The following SORCS1 variants were observed in gnomAD, a reference collection of about 807,000 sequenced individuals.
SORCS1 encodes VPS10 domain-containing receptor SorCS1.
Under a neutral mutation model 146.1 loss-of-function variants are expected in SORCS1, and 60 were observed. The observed-to-expected ratio is 0.41, with a 90% CI of 0.33 to 0.51. The LOEUF (loss-of-function observed/expected upper bound fraction) is 0.51, where lower values mean the gene tolerates loss of function less well. Ranked by LOEUF, SORCS1 falls within the 20% of genes least tolerant of loss-of-function variation. The pLI is 0.21. For missense variants in SORCS1, 1,352 were observed against 1,487.6 expected (o/e 0.91, Z 1.50); for synonymous variants, 637 against 584.0 (o/e 1.09, Z -1.31).
chr10:106,882,983 A>G (rs1347555768), intron 2 of SORCS1, among the ~76,000 whole-genome samples: 1 of 152,180 alleles, frequency 6.6e-6, no homozygotes, highest in Non-Finnish European at 1.5e-5. Flanking sequence ...CCACATACAC[A>G]TTATATAACA....
At chr10:106,930,541 A>G (rs1953363539) in intron 2 of SORCS1, among the ~76,000 whole-genome samples, 3 of 152,232 alleles carry the variant, frequency 2.0e-5, no homozygotes, top group South Asian at 2.1e-4. Context: ...GTATTTATGT[A>G]TCTGAGCATC....
chr10:106,621,562 A>G (rs570028228), intron 19 of SORCS1, among the ~76,000 whole-genome samples: 1 of 151,886 alleles, frequency 6.6e-6, no homozygotes, highest in Non-Finnish European at 1.5e-5. Context: ...ATGCATGTGA[A>G]GGGCTCTAAC....
At chr10:106,950,160 C>T (rs78829586) in intron 2 of SORCS1, among the ~76,000 whole-genome samples, 2,026 of 152,314 alleles carry the variant, frequency 0.013, 21 homozygotes, top group Non-Finnish European at 0.019. Flanking sequence ...CTCATTTTGA[C>T]TCCCTGAGTG....
At chr10:106,650,582 C>T (rs963973921) in intron 18 of SORCS1, among the ~76,000 whole-genome samples, 4 of 152,188 alleles carry the variant, frequency 2.6e-5, no homozygotes, top group African/African-American at 9.6e-5. Flanking sequence ...ATGACCTCAT[C>T]AGTCCTAGCT....
At chr10:107,137,426 T>G (rs2134685451) in intron 1 of SORCS1, among the ~76,000 whole-genome samples, 1 of 152,304 alleles carries the variant, frequency 6.6e-6, no homozygotes, top group East Asian at 1.9e-4. Flanking sequence ...CTCCCTGAAT[T>G]TATTTTTACT....
chr10:107,091,039 G>A (rs1002478773), intron 1 of SORCS1, among the ~76,000 whole-genome samples: 1 of 152,218 alleles, frequency 6.6e-6, no homozygotes, highest in African/African-American at 2.4e-5. Flanking sequence ...TCTCCATGAG[G>A]TGTCTAGAGG....
intron 1 of SORCS1, among the ~76,000 whole-genome samples, chr10:107,036,939 C>T (rs189406432): frequency 2.0e-4 from 30 of 152,268 alleles, no homozygotes; most frequent in Admixed American, 1.8e-3. Context: ...TCTATGTGAT[C>T]ATTTATGTTT....
In SORCS1 at chr10:106,592,886, C is replaced by T. The variant is rs961539692; in HGVS notation, c.3265+4465G>A. 2.0e-5 allele frequency among the ~76,000 whole-genome samples: 3 copies of T among 151,796 alleles called. No homozygotes were observed. In the East Asian group the frequency reaches 5.8e-4, roughly 29 times the overall value. On this transcript the variant is annotated intron_variant, in intron 24 of 25. Transcript: ENST00000263054. ...ATTGTGGTGGCTCATGCCTGTAATC[C>T]CAGCACTTTGGGAGGCTGAGGCAGA... is the stretch of plus-strand genomic sequence containing the variant.
intron 1 of SORCS1, among the ~76,000 whole-genome samples, chr10:107,149,216 T>C (rs967392462): frequency 2.6e-5 from 4 of 152,198 alleles, no homozygotes; most frequent in Non-Finnish European, 5.9e-5. Flanking sequence ...ATTTAGAAGG[T>C]AGACAAGAAG....
intron 21 of SORCS1, among the ~76,000 whole-genome samples, chr10:106,613,189 C>T (rs1184716189): frequency 3.9e-5 from 6 of 152,054 alleles, no homozygotes; most frequent in African/African-American, 1.2e-4. Context: ...CAGGGATTTT[C>T]TTCATTGTCT....
At chr10:106,577,798 G>A (rs1056347287) in intron 25 of SORCS1, 15 of 557,370 alleles carry the variant, frequency 2.7e-5, no homozygotes, top group Non-Finnish European at 4.0e-5. Context: ...CTTGAAGGCA[G>A]AAAAGACTTT....
intron 3 of SORCS1, among the ~76,000 whole-genome samples, chr10:106,779,286 T>C (rs1449111406): frequency 2.0e-5 from 3 of 152,194 alleles, no homozygotes; most frequent in Non-Finnish European, 4.4e-5. Context: ...GGCTGCTCTC[T>C]TAAATTTCTG....
chr10:106,750,787 C>A (rs1858131576), intron 5 of SORCS1, among the ~76,000 whole-genome samples: 1 of 134,074 alleles, frequency 7.5e-6, no homozygotes. Context: ...AGGCCGGGCG[C>A]TGTGGCTCAT....
intron 1 of SORCS1, among the ~76,000 whole-genome samples, chr10:106,967,970 C>G (rs1955580352): frequency 6.6e-6 from 1 of 150,876 alleles, no homozygotes; most frequent in East Asian, 1.9e-4. Context: ...TTTGGGAGGC[C>G]GAGGCAGGCG....
intron 18 of SORCS1, among the ~76,000 whole-genome samples, chr10:106,639,914 A>G (rs984198482): frequency 3.9e-5 from 6 of 151,998 alleles, no homozygotes; most frequent in Admixed American, 3.9e-4. Flanking sequence ...GCTACTCGGG[A>G]GGCTGAGGGA....
intron 17 of SORCS1, among the ~76,000 whole-genome samples, chr10:106,659,297 C>T (rs925427355): frequency 1.3e-5 from 2 of 152,134 alleles, no homozygotes; most frequent in East Asian, 1.9e-4. Context: ...TGGAAGCAGA[C>T]GTCATTTAAT....
At chr10:107,176,858 T>G in the SORCS1 span, among the ~76,000 whole-genome samples, 3 of 152,096 alleles carry the variant, frequency 2.0e-5, no homozygotes, top group Non-Finnish European at 4.4e-5. Context: ...ATATATATAG[T>G]GTTCATTAGG....
chr10:107,151,791 T>C (rs2134826761), intron 1 of SORCS1, among the ~76,000 whole-genome samples: 1 of 152,284 alleles, frequency 6.6e-6, no homozygotes, highest in South Asian at 2.1e-4. Flanking sequence ...ATTTAGGGTA[T>C]CTGGTGGAAG....
intron 1 of SORCS1, among the ~76,000 whole-genome samples, chr10:107,140,144 C>G (rs966516306): frequency 6.6e-6 from 1 of 152,174 alleles, no homozygotes; most frequent in African/African-American, 2.4e-5. Flanking sequence ...CTGTTATCTA[C>G]CATTCAAAAA....
Sources: allele counts gnomAD v4.1 joint callset (sites outside exome capture counted in the v4.1 genomes callset), GRCh38; gene constraint gnomAD v4.1.1; transcripts MANE v1.5; gene names NCBI Gene and HGNC (gene_info 2026-07-23, HGNC 2026-07-21).